IP6K1: variants seen among roughly 807,000 people sequenced by gnomAD.
IP6K1 encodes the protein ATP:1D-myo-inositol-hexakisphosphate phosphotransferase.
IP6K1 carries 13 observed loss-of-function variants against 38.3 expected under a neutral mutation model. The observed-to-expected ratio is 0.34, with a 90% confidence interval of 0.22 to 0.54. The LOEUF (loss-of-function observed/expected upper bound fraction) is 0.54. Among genes scored for constraint, IP6K1 ranks in the 20% least tolerant of loss-of-function variants. The pLI is 0.92. For missense variants in IP6K1, 397 were observed against 599.8 expected (o/e 0.66, Z 3.53); for synonymous variants, 212 against 229.9 (o/e 0.92, Z 0.70).
In IP6K1 at chr3:49,732,979, A is replaced by G; in HGVS notation, c.435-7T>C. On this transcript the variant is annotated splice_polypyrimidine_tract_variant and splice_region_variant and intron_variant, in intron 3 of 5. Coordinates refer to ENST00000321599, the MANE Select transcript of IP6K1 (RefSeq NM_153273.4). ...ACTCTTTGCCTCCTGTGAGCTAAGA[A>G]GGAAGAACATACACATCACTAAGAA... The G allele has an allele frequency of 1.2e-6, 2 of 1,608,834 alleles. No individual in the cohort carries two copies. Among genetic ancestry groups the G allele is most frequent in the Admixed American group, 1.7e-5 (1 of 59,828 alleles).
At position 49,725,697 on chromosome 3, in the gene IP6K1, G is replaced by T. The variant is rs1232948885; in HGVS notation, c.*1425C>A. On this transcript the variant is annotated 3_prime_UTR_variant, in exon 6 of 6. Coordinates refer to ENST00000321599, the MANE Select transcript of IP6K1 (RefSeq NM_153273.4). ...GTCACCTCCTGGCCATCTGTTAGAAGCAGCAGATCTGTGCCATTAAGGGCT... is the reference window on the plus strand; with the variant it reads ...GTCACCTCCTGGCCATCTGTTAGAATCAGCAGATCTGTGCCATTAAGGGCT... 6.6e-6 allele frequency: 1 copy of T among 152,640 alleles called. No homozygotes were observed. Among genetic ancestry groups the T allele is most frequent in the Non-Finnish European group, 1.5e-5 (1 of 68,092 alleles). The allele number at this position is 152,640 out of a possible 1,614,324, so 9.5% of individuals were successfully genotyped here.
At chr3:49,770,025 G>A (rs2080943943) in intron 1 of IP6K1, among the ~76,000 whole-genome samples, 2 of 151,948 alleles carry the variant, frequency 1.3e-5, no homozygotes, top group South Asian at 4.1e-4. Context: ...ACCAGCCTGG[G>A]CAACATCTCT....
intron 2 of IP6K1, among the ~76,000 whole-genome samples, chr3:49,743,234 A>AT (rs34849728): frequency 0.26 from 31,824 of 122,460 alleles, 3,797 homozygotes; most frequent in South Asian, 0.31. Flanking sequence ...CAAAAACAAA[A>AT]ACAAAATACA....
intron 1 of IP6K1, among the ~76,000 whole-genome samples, chr3:49,768,445 A>T (rs937912185): frequency 5.9e-5 from 9 of 152,208 alleles, no homozygotes; most frequent in African/African-American, 2.2e-4. Flanking sequence ...ACAAAAGGGA[A>T]AAAATTATAT....
intron 2 of IP6K1, among the ~76,000 whole-genome samples, chr3:49,747,533 T>C (rs2080731859): frequency 6.6e-6 from 1 of 152,168 alleles, no homozygotes; most frequent in African/African-American, 2.4e-5. Flanking sequence ...CCCAGACTAG[T>C]GTCACAGCAA....
chr3:49,747,742 CA>C (rs773118986), intron 2 of IP6K1, 75 bp downstream of exon 2: 10 of 1,582,124 alleles, frequency 6.3e-6, no homozygotes, highest in Admixed American at 1.8e-5. Flanking sequence ...TCATGGCAAA[CA>C]AACCAAGAAA....
intron 1 of IP6K1, among the ~76,000 whole-genome samples, chr3:49,780,754 GTC>G (rs1231398303): frequency 6.6e-6 from 1 of 152,182 alleles, no homozygotes; most frequent in Non-Finnish European, 1.5e-5. Context: ...AGCAAGTTCT[GTC>G]TCTGTTCTGC....
At chr3:49,775,976 C>T (rs1027984403) in intron 1 of IP6K1, among the ~76,000 whole-genome samples, 12 of 151,194 alleles carry the variant, frequency 7.9e-5, no homozygotes, top group Non-Finnish European at 1.8e-4. Flanking sequence ...TGAAGCTACA[C>T]CCAGTGAAAA....
intron 1 of IP6K1, among the ~76,000 whole-genome samples, chr3:49,782,976 C>T (rs1019161258): frequency 6.6e-6 from 1 of 150,440 alleles, no homozygotes; most frequent in African/African-American, 2.4e-5. Context: ...AAAAATTAGC[C>T]AGGCGTGCTG....
chr3:49,758,117 GGCTAATACA>G (rs2080840057), intron 1 of IP6K1, among the ~76,000 whole-genome samples: 1 of 151,850 alleles, frequency 6.6e-6, no homozygotes, highest in Non-Finnish European at 1.5e-5. Context: ...AGACCATCCT[GGCTAATACA>G]GTGAAACCCC....
intron 1 of IP6K1, among the ~76,000 whole-genome samples, chr3:49,779,917 G>A (rs2081050252): frequency 6.6e-6 from 1 of 152,026 alleles, no homozygotes; most frequent in East Asian, 1.9e-4. Context: ...CAAACTCCTG[G>A]GCCCAAGCAA....
intron 1 of IP6K1, among the ~76,000 whole-genome samples, chr3:49,752,542 TGTGA>T (rs1175143802): frequency 1.3e-5 from 2 of 151,212 alleles, no homozygotes; most frequent in African/African-American, 4.9e-5. Context: ...TGTGTGTGTG[TGTGA>T]GTTTCGCTCT....
chr3:49,732,159 G>C (rs1475395462), intron 4 of IP6K1, among the ~76,000 whole-genome samples: 1 of 152,000 alleles, frequency 6.6e-6, no homozygotes, highest in Admixed American at 6.6e-5. Context: ...CAAACACCTG[G>C]TCTCAAGTGA....
chr3:49,737,817 C>T (rs541548210), intron 3 of IP6K1, among the ~76,000 whole-genome samples: 1 of 152,312 alleles, frequency 6.6e-6, no homozygotes, highest in East Asian at 1.9e-4. Context: ...CATTAGGGAA[C>T]TCCTGGTTGG....
intron 2 of IP6K1, among the ~76,000 whole-genome samples, chr3:49,746,062 G>T (rs1377303667): frequency 6.6e-6 from 1 of 152,158 alleles, no homozygotes; most frequent in Non-Finnish European, 1.5e-5. Context: ...AGGAGTGTTG[G>T]TAAGGATGTG....
chr3:49,746,428 T>A (rs1171584481), intron 2 of IP6K1, among the ~76,000 whole-genome samples: 1 of 148,680 alleles, frequency 6.7e-6, no homozygotes, highest in East Asian at 2.0e-4. Flanking sequence ...TCCTAGCACT[T>A]TGGGAGGCCG....
chr3:49,784,646 G>GAAAAA (rs35547506), intron 1 of IP6K1, among the ~76,000 whole-genome samples: 2 of 134,514 alleles, frequency 1.5e-5, no homozygotes, highest in Admixed American at 7.6e-5. Context: ...CTTCGTCTCA[G>GAAAAA]AAAAAAAAAA....
intron 4 of IP6K1, among the ~76,000 whole-genome samples, chr3:49,729,233 TAGC>T (rs2080541903): frequency 6.6e-6 from 1 of 152,218 alleles, no homozygotes; most frequent in Admixed American, 6.5e-5. Flanking sequence ...TTATTTCACT[TAGC>T]AGAATGTATT....
Position 49,727,038 on chromosome 3 carries a change from G to C in IP6K1, c.*84C>G. On this transcript the variant is annotated 3_prime_UTR_variant, in exon 6 of 6. Transcript: ENST00000321599. This position sits in a 1 kb window ranked among gnomAD's most constrained non-coding sequence, Gnocchi z 5.9. Reference sequence around the variant, plus strand: ...GAGAAATATAACCCTTTAAAAGCAAGTCTGTGTGTCCTCACGGCAAGTTCA... The same window carrying C: ...GAGAAATATAACCCTTTAAAAGCAACTCTGTGTGTCCTCACGGCAAGTTCA... 7.5e-7 allele frequency: 1 copy of C among 1,327,818 alleles called. No individual in the cohort carries two copies. Among genetic ancestry groups the C allele is most frequent in the Non-Finnish European group, 1.0e-6 (1 of 964,484 alleles). 82.3% of individuals were successfully genotyped at this position (1,327,818 alleles called of 1,614,324 possible). A position where few individuals can be genotyped will look rare whatever the true frequency, so the allele number is the denominator to read the frequency against.
Sources: gnomAD v4.1 joint callset for allele counts (sites outside exome capture counted in the v4.1 genomes callset) on GRCh38, gnomAD v4.1.1 for gene constraint, Gnocchi (gnomAD v3.1) non-coding constraint, MANE v1.5 for transcripts, NCBI Gene and HGNC (gene_info 2026-07-23, HGNC 2026-07-21) for gene names.